VPS13B: variants seen among roughly 807,000 people sequenced by gnomAD.
VPS13B encodes intermembrane lipid transfer protein VPS13B.
VPS13B carries 285 observed loss-of-function variants against 426.4 expected under a neutral mutation model. The observed-to-expected ratio is 0.67, with a 90% CI of 0.61 to 0.74. The LOEUF is 0.74. VPS13B is among the 30% of genes least tolerant of loss of function. The pLI is 0.00. For synonymous variants in VPS13B, 1,676 were observed against 1,676.4 expected, an observed-to-expected ratio of 1.00 and a Z score of 0.01; for missense variants, 4,537 against 4,782.6, an observed-to-expected ratio of 0.95 and a Z score of 1.51.
intron 24 of VPS13B, among the ~76,000 whole-genome samples, chr8:99,479,480 A>G (rs1324873892): frequency 6.6e-6 from 1 of 152,220 alleles, no homozygotes; most frequent in Non-Finnish European, 1.5e-5. Context: ...TTTACTTAAC[A>G]TACAATAAAC....
At chr8:99,140,140 G>T (rs79637154) in intron 12 of VPS13B, among the ~76,000 whole-genome samples, 8,284 of 152,110 alleles carry the variant, frequency 0.054, 267 homozygotes, top group African/African-American at 0.089. Flanking sequence ...GCTGAGGTGG[G>T]CAGACCATGA....
intron 31 of VPS13B, among the ~76,000 whole-genome samples, chr8:99,563,800 A>G (rs1298440099): frequency 2.0e-5 from 3 of 152,228 alleles, no homozygotes; most frequent in Non-Finnish European, 4.4e-5. Context: ...GGGCCAACTA[A>G]TCAAGAGACT....
At position 99,274,622 on chromosome 8, in the gene VPS13B, A is replaced by G. The variant is rs1301876536; in HGVS notation, c.2650+290A>G. Among the ~76,000 whole-genome samples the G allele has an allele frequency of 2.0e-5, 3 of 152,292 alleles. No individual in the cohort carries two copies. In the East Asian group the frequency reaches 5.8e-4, roughly 29 times the overall value. On this transcript the variant is annotated intron_variant, in intron 18 of 61. Transcript: ENST00000357162. ...ATAGGAGGTGTATATATATGTATAT[A>G]ATATGACACTTAAAATTAAATTAAA...
At chr8:99,530,613 CAAA>C (rs1196820876) in intron 30 of VPS13B, among the ~76,000 whole-genome samples, 4 of 86,016 alleles carry the variant, frequency 4.7e-5, no homozygotes, top group Non-Finnish European at 5.1e-5. Context: ...GACTCTGTCT[CAAA>C]AAAAAAAAAA....
intron 24 of VPS13B, among the ~76,000 whole-genome samples, chr8:99,478,614 A>AT (rs1315521853): frequency 1.3e-5 from 2 of 150,796 alleles, no homozygotes; most frequent in African/African-American, 2.4e-5. Context: ...CACCCGGCTA[A>AT]TTTTTTGTAT....
chr8:99,453,813 C>T (rs570073825), intron 23 of VPS13B, among the ~76,000 whole-genome samples: 23 of 152,092 alleles, frequency 1.5e-4, no homozygotes, highest in African/African-American at 2.2e-4. Flanking sequence ...CCTAAACCTG[C>T]GCAGCCTCTC....
chr8:99,015,459 G>A (rs1221499839), intron 2 of VPS13B, among the ~76,000 whole-genome samples: 17 of 150,554 alleles, frequency 1.1e-4, no homozygotes, highest in African/African-American at 3.7e-4. Context: ...CTCATGATCC[G>A]CCCGCCTCAG....
intron 33 of VPS13B, among the ~76,000 whole-genome samples, chr8:99,580,162 G>T (rs925385653): frequency 1.3e-4 from 20 of 151,576 alleles, no homozygotes; most frequent in Admixed American, 4.6e-4. Flanking sequence ...TTAATAATAA[G>T]AATCCCATTT....
At position 99,720,927 on chromosome 8, in the gene VPS13B, G is replaced by T; in HGVS notation, c.6930G>T (p.Gly2310=). 3 of 1,613,988 alleles carry T rather than the reference G, an allele frequency of 1.9e-6. No homozygotes were observed. The highest frequency in any genetic ancestry group is 2.5e-6 in the Non-Finnish European group (3 of 1,179,940). Residue 2310 remains glycine, a synonymous_variant, in exon 39 of 62, where the codon GGG becomes GGT. Coordinates refer to ENST00000357162, the MANE Select transcript of VPS13B (RefSeq NM_152564.5). ...ATAATGAAACTGAAGATTGCCCAGG[G>T]ATGATGTTATGGAGATATCCAGAAC... The part of the protein sequence containing the change: ...LFYNETEDCP[G]MMLWRYPEPR...
chr8:99,535,950 A>AT (rs766421706), intron 30 of VPS13B, among the ~76,000 whole-genome samples: 4,652 of 143,596 alleles, frequency 0.032, 215 homozygotes, highest in African/African-American at 0.1. Context: ...TTTAATCCAA[A>AT]TTTTTTTTTT....
intron 12 of VPS13B, 33 bp downstream of exon 12, chr8:99,136,785 C>T (rs1224623027): frequency 1.3e-6 from 2 of 1,599,752 alleles, no homozygotes; most frequent in Non-Finnish European, 8.6e-7. Context: ...TGTGCCATTT[C>T]TTGAACAACT....
chr8:99,135,145 C>T lies in VPS13B; in HGVS notation c.1425+8C>T, dbSNP rs758851977. On this transcript the variant is annotated splice_region_variant and intron_variant, in intron 10 of 61. Coordinates refer to ENST00000357162, the MANE Select transcript of VPS13B (RefSeq NM_152564.5). ...ATGAATAGAAGTGAAACTGTAAGTC[C>T]GTTTCCTCCATCCTTTTTTGGATAG... 1.2e-5 allele frequency: 20 copies of T among 1,612,902 alleles called. No homozygotes were observed. The highest frequency in any genetic ancestry group is 4.5e-5 in the East Asian group (2 of 44,814).
At chr8:99,279,669 A>C (rs1016617893) in intron 19 of VPS13B, among the ~76,000 whole-genome samples, 4 of 152,172 alleles carry the variant, frequency 2.6e-5, no homozygotes, top group Non-Finnish European at 2.9e-5. Flanking sequence ...TAATCATGGT[A>C]TTAATGTGTA....
chr8:99,687,925 C>G (rs999344531), intron 35 of VPS13B, among the ~76,000 whole-genome samples: 11 of 151,920 alleles, frequency 7.2e-5, no homozygotes, highest in Admixed American at 7.2e-4. Context: ...GCTCTGCCTC[C>G]CTCTTGGCCT....
At chr8:99,523,901 A>C (rs1010727047) in intron 30 of VPS13B, among the ~76,000 whole-genome samples, 1 of 152,158 alleles carries the variant, frequency 6.6e-6, no homozygotes, top group African/African-American at 2.4e-5. Flanking sequence ...TAAATAAGGC[A>C]CCAGGGACCA....
intron 11 of VPS13B, among the ~76,000 whole-genome samples, 153 bp downstream of exon 11, chr8:99,135,886 G>A (rs578069762): frequency 1.6e-3 from 247 of 152,092 alleles, no homozygotes; most frequent in African/African-American, 5.8e-3. Flanking sequence ...CAGTATACAT[G>A]TAGAAATGTT....
At chr8:99,130,670 G>A (rs1005389995) in intron 8 of VPS13B, among the ~76,000 whole-genome samples, 7 of 152,042 alleles carry the variant, frequency 4.6e-5, no homozygotes, top group Admixed American at 1.3e-4. Context: ...GATTACAGGC[G>A]TGAGCCACCG....
chr8:99,047,949 A>G (rs1206158625), intron 3 of VPS13B, among the ~76,000 whole-genome samples: 1 of 152,076 alleles, frequency 6.6e-6, no homozygotes, highest in East Asian at 1.9e-4. Flanking sequence ...TGGCATCCCA[A>G]AGTGCTGGGA....
At position 99,821,306 on chromosome 8, in the gene VPS13B, A is replaced by T; in HGVS notation, c.9007A>T (p.Ile3003Phe). Residue 3003 changes from isoleucine to phenylalanine, a missense_variant, in exon 50 of 62, where the codon ATT (isoleucine) becomes TTT (phenylalanine). Around this residue, in one of 2 missense-constraint regions of VPS13B, gnomAD observed 4,311 missense variants for 4,474.3 expected, o/e 0.96. Transcript: ENST00000357162. Reference sequence around the variant, plus strand: ...ATTATTTTTCCAGGAAGCTTTTCAAATTGGAATATACTGGGCAAATACAAA... The same window carrying T: ...ATTATTTTTCCAGGAAGCTTTTCAATTTGGAATATACTGGGCAAATACAAA... ...IPPNFQEAFQIGIYWANTNTV... is the reference protein window; with the variant it reads ...IPPNFQEAFQFGIYWANTNTV... The T allele has an allele frequency of 6.2e-7, 1 of 1,613,636 alleles. No homozygotes were observed. Among genetic ancestry groups the T allele is most frequent in the Non-Finnish European group, 8.5e-7 (1 of 1,179,690 alleles).
Sources: gnomAD v4.1 joint callset for allele counts (sites outside exome capture counted in the v4.1 genomes callset) on GRCh38, gnomAD v4.1.1 for gene constraint, gnomAD v4.1.1 regional missense constraint, MANE v1.5 for transcripts, NCBI Gene and HGNC (gene_info 2026-07-23, HGNC 2026-07-21) for gene names.